The following SLC26A5 variants were observed in gnomAD, a reference collection of about 807,000 sequenced individuals.
The protein encoded by SLC26A5 is prestin.
Under a neutral mutation model 81.0 loss-of-function variants are expected in SLC26A5, and 51 were observed. That is an observed-to-expected ratio of 0.63 (90% CI 0.50 to 0.80). The LOEUF is 0.80. Ranked by LOEUF, SLC26A5 falls within the 30% of genes least tolerant of loss-of-function variation. SLC26A5 has a pLI of 0.00. For missense variants in SLC26A5, 771 were observed against 905.8 expected, an observed-to-expected ratio of 0.85 and a Z score of 1.91; for synonymous variants, 325 against 332.8, an observed-to-expected ratio of 0.98 and a Z score of 0.25.
intron 19 of SLC26A5, among the ~76,000 whole-genome samples, chr7:103,365,104 A>G (rs969409734): frequency 6.6e-6 from 1 of 151,716 alleles, no homozygotes; most frequent in Admixed American, 6.6e-5. Context: ...TTCCCTAACT[A>G]AAACTTGCAA....
chr7:103,408,800 C>T (rs1206853519), intron 7 of SLC26A5, among the ~76,000 whole-genome samples: 1 of 152,024 alleles, frequency 6.6e-6, no homozygotes, highest in African/African-American at 2.4e-5. Context: ...TAATTATATC[C>T]TAGGGTTACC....
At chr7:103,371,764 C>T (rs559547389), downstream of SLC26A5, among the ~76,000 whole-genome samples, 7 of 148,316 alleles carry the variant, frequency 4.7e-5, no homozygotes, top group South Asian at 2.1e-4. Flanking sequence ...GGCGTGGTCT[C>T]GGCTCACTGC....
At chr7:103,371,759 G>T (rs1821054638), downstream of SLC26A5, among the ~76,000 whole-genome samples, 1 of 148,340 alleles carries the variant, frequency 6.7e-6, no homozygotes, top group African/African-American at 2.5e-5. Flanking sequence ...GCAATGGCGT[G>T]GTCTCGGCTC....
chr7:103,388,726 G>A (rs560443193), intron 14 of SLC26A5: 1 of 385,970 alleles, frequency 2.6e-6, no homozygotes, highest in African/African-American at 2.1e-5. Flanking sequence ...ACTAGACCAG[G>A]AATGGCAGAA....
At chr7:103,365,436 A>G (rs1458045897) in intron 19 of SLC26A5, among the ~76,000 whole-genome samples, 1 of 152,058 alleles carries the variant, frequency 6.6e-6, no homozygotes, top group Non-Finnish European at 1.5e-5. Context: ...GTTGGAAACC[A>G]GCCTGACCAA....
At chr7:103,397,716 CAAA>C (rs72106385) in intron 9 of SLC26A5, among the ~76,000 whole-genome samples, 16 of 118,564 alleles carry the variant, frequency 1.3e-4, no homozygotes, top group Non-Finnish European at 1.9e-4. Flanking sequence ...GACTTCGTCT[CAAA>C]AAAAAAAAAA....
intron 14 of SLC26A5, chr7:103,388,582 T>A (rs1248304521): frequency 9.3e-6 from 3 of 324,308 alleles, no homozygotes; most frequent in African/African-American, 4.3e-5. Flanking sequence ...GGGAAAGTGG[T>A]TCAGGGTGGA....
rs1822431366 is a variant in SLC26A5 at position 103,389,048 on chromosome 7, C to T, written c.1474G>A (p.Val492Met). 1.2e-6 allele frequency: 2 copies of T among 1,613,762 alleles called. No individual in the cohort carries two copies. Among genetic ancestry groups the T allele is most frequent in the African/African-American group, 2.7e-5 (2 of 75,022 alleles). ...ATCACAGTCAGCAGAGCAATGATCA[C>T]AGCAGTGATCAAACCATAGTCCAAT... ...LGLDYGLITA[V>M]IIALLTVIYR... Residue 492 changes from valine to methionine, a missense_variant, in exon 14 of 20, where the codon GTG (valine) becomes ATG (methionine). Val to Met is a conservative substitution (Grantham distance 21). Coordinates refer to ENST00000306312, the MANE Select transcript of SLC26A5 (RefSeq NM_198999.3).
At chr7:103,405,438 G>A (rs1030764796) in intron 8 of SLC26A5, among the ~76,000 whole-genome samples, 1 of 152,128 alleles carries the variant, frequency 6.6e-6, no homozygotes, top group African/African-American at 2.4e-5. Flanking sequence ...TAACAGTCAG[G>A]CCCCTCTGCT....
intron 2 of SLC26A5, among the ~76,000 whole-genome samples, chr7:103,423,256 G>C (rs1170313805): frequency 6.6e-6 from 1 of 152,096 alleles, no homozygotes; most frequent in Non-Finnish European, 1.5e-5. Context: ...TGGGCGACAA[G>C]AGTGAAACTC....
intron 4 of SLC26A5, 94 bp from the exon 5 acceptor site, chr7:103,413,206 A>C: frequency 1.2e-6 from 1 of 831,156 alleles, no homozygotes; most frequent in Non-Finnish European, 2.0e-6. Context: ...CTGATGAACG[A>C]GTGAAGCCCA....
Position 103,367,828 on chromosome 7 carries a change from C to T in SLC26A5, c.2041+8980G>A. 1 of 1,611,770 alleles carries T rather than the reference C, an allele frequency of 6.2e-7. No homozygotes were observed. The highest frequency in any genetic ancestry group is 8.5e-7 in the Non-Finnish European group (1 of 1,179,038). On this transcript the variant is annotated intron_variant, in intron 19 of 19. Coordinates refer to the SLC26A5 transcript ENST00000339444. This position sits in a 1 kb window ranked among gnomAD's most constrained non-coding sequence, Gnocchi z 6.1. ...AGCACTGGTAAGTAGAAAGTTCTTG[C>T]TTATATTTGCTGGTCTGTCTGCTCA...
chr7:103,353,847 A>C, intron 19 of SLC26A5: 1 of 1,263,204 alleles, frequency 7.9e-7, no homozygotes, highest in Non-Finnish European at 1.1e-6. Context: ...ACAGAAAAAA[A>C]GCTCTAGTTT....
chr7:103,438,463 C>A (rs1270508522), intron 2 of SLC26A5, among the ~76,000 whole-genome samples: 1 of 151,574 alleles, frequency 6.6e-6, no homozygotes, highest in African/African-American at 2.4e-5. Context: ...AGCAATTCTC[C>A]TCCCTCAGCC....
intron 2 of SLC26A5, among the ~76,000 whole-genome samples, chr7:103,432,232 A>G (rs754504371): frequency 6.6e-6 from 1 of 152,172 alleles, no homozygotes; most frequent in Non-Finnish European, 1.5e-5. Flanking sequence ...TTAACATTTA[A>G]GTCTCCTTAC....
intron 10 of SLC26A5, 66 bp downstream of exon 10, chr7:103,392,853 A>C: frequency 6.3e-7 from 1 of 1,599,000 alleles, no homozygotes; most frequent in Non-Finnish European, 8.6e-7. Flanking sequence ...CTGGGATTAC[A>C]GGCGTGAGCC....
At chr7:103,388,193 GTTTTTTT>G (rs897201043) in intron 14 of SLC26A5, among the ~76,000 whole-genome samples, 4 of 114,926 alleles carry the variant, frequency 3.5e-5, no homozygotes, top group African/African-American at 1.4e-4. Flanking sequence ...AGCCCATAAA[GTTTTTTT>G]TTTTTTTTTT....
chr7:103,370,561 C>T (rs778938719), downstream of SLC26A5, among the ~76,000 whole-genome samples: 13 of 152,156 alleles, frequency 8.5e-5, no homozygotes, highest in Non-Finnish European at 1.5e-4. Flanking sequence ...AGGATCAAAC[C>T]ACACAGAGTG....
chr7:103,369,386 T>G (rs1162642496), downstream of SLC26A5: 1 of 152,210 alleles, frequency 6.6e-6, no homozygotes, highest in Non-Finnish European at 1.5e-5. Flanking sequence ...ATGTACACAT[T>G]TAGAACACAC....
Sources: gnomAD v4.1 joint callset for allele counts (sites outside exome capture counted in the v4.1 genomes callset) on GRCh38, gnomAD v4.1.1 for gene constraint, Gnocchi (gnomAD v3.1) non-coding constraint, MANE v1.5 for transcripts, NCBI Gene and HGNC (gene_info 2026-07-23, HGNC 2026-07-21) for gene names.